The following ARHGAP24 variants were observed in gnomAD, a reference collection of about 807,000 sequenced individuals.
ARHGAP24 encodes the protein Rho GTPase activating protein 24.
ARHGAP24 carries 50 observed loss-of-function variants against 76.4 expected under a neutral mutation model. That is an observed-to-expected ratio of 0.65 (90% confidence interval 0.52 to 0.83). The LOEUF is 0.83. ARHGAP24 is among the 40% of genes least tolerant of loss of function. The pLI is 0.00. For missense variants in ARHGAP24, 930 were observed against 914.2 expected (o/e 1.02, Z -0.22); for synonymous variants, 345 against 323.3 (o/e 1.07, Z -0.72).
intron 5 of ARHGAP24, among the ~76,000 whole-genome samples, chr4:85,944,105 G>A (rs7684540): frequency 0.74 from 112,337 of 152,048 alleles, 42,711 homozygotes; most frequent in East Asian, 0.99. Context: ...ATTTTTCTAC[G>A]TCCTCTCCAG....
intron 3 of ARHGAP24, among the ~76,000 whole-genome samples, chr4:85,766,170 A>G (rs150531987): frequency 2.8e-4 from 42 of 152,192 alleles, no homozygotes; most frequent in African/African-American, 1.0e-3. Context: ...AATCCTGAAT[A>G]TTGTGATTGA....
At chr4:85,582,145 A>G (rs1727639766) in intron 2 of ARHGAP24, among the ~76,000 whole-genome samples, 1 of 152,158 alleles carries the variant, frequency 6.6e-6, no homozygotes, top group African/African-American at 2.4e-5. Flanking sequence ...TTTGGAAATG[A>G]GACACTCGAT....
In ARHGAP24 at chr4:85,651,495, C is replaced by T. The variant is rs1261046692; in HGVS notation, c.181-70390C>T. 1.3e-5 allele frequency among the ~76,000 whole-genome samples: 2 copies of T among 148,780 alleles called. 1 individual carries two copies. The highest frequency in any genetic ancestry group is 5.2e-5 in the African/African-American group (2 of 38,416). On this transcript the variant is annotated intron_variant, in intron 2 of 9. Coordinates refer to ENST00000395184, the MANE Select transcript of ARHGAP24 (RefSeq NM_001025616.3). Reference sequence around the variant, plus strand: ...TTCCCAAGTTTTTCCTTTGCTGTACCTCCTAAGTGGAAAATTCATTCCATT... The same window carrying T: ...TTCCCAAGTTTTTCCTTTGCTGTACTTCCTAAGTGGAAAATTCATTCCATT...
At chr4:85,933,642 G>C (rs1219356402) in intron 4 of ARHGAP24, among the ~76,000 whole-genome samples, 1 of 152,142 alleles carries the variant, frequency 6.6e-6, no homozygotes, top group African/African-American at 2.4e-5. Flanking sequence ...AAGATTATAA[G>C]TGAATTTTTT....
At chr4:85,565,247 G>A (rs1355982373) in intron 1 of ARHGAP24, among the ~76,000 whole-genome samples, 1 of 152,122 alleles carries the variant, frequency 6.6e-6, no homozygotes, top group East Asian at 1.9e-4. Context: ...GCTCTCTGCA[G>A]TTATATACTG....
intron 1 of ARHGAP24, among the ~76,000 whole-genome samples, chr4:85,508,653 C>T (rs767652234): frequency 3.9e-5 from 6 of 152,150 alleles, no homozygotes; most frequent in Admixed American, 6.5e-5. Flanking sequence ...AGACCCTTAC[C>T]ATTTGATGCC....
At chr4:85,632,376 C>T (rs7697937) in intron 2 of ARHGAP24, among the ~76,000 whole-genome samples, 40,282 of 151,916 alleles carry the variant, frequency 0.27, 7,464 homozygotes, top group East Asian at 0.84. Context: ...GAACTGGGAA[C>T]ATGTGTTGTC....
chr4:85,613,299 ATTAAT>A (rs1009369806), intron 2 of ARHGAP24, among the ~76,000 whole-genome samples: 101 of 152,246 alleles, frequency 6.6e-4, no homozygotes, highest in African/African-American at 2.3e-3. Context: ...ATCCATGTTG[ATTAAT>A]TTAGGACGTA....
At chr4:85,805,021 GC>G (rs1728730654) in intron 3 of ARHGAP24, among the ~76,000 whole-genome samples, 1 of 152,096 alleles carries the variant, frequency 6.6e-6, no homozygotes. Flanking sequence ...GCAGATACAT[GC>G]GGACAAAACA....
At chr4:85,772,063 A>G (rs1727151966) in intron 3 of ARHGAP24, among the ~76,000 whole-genome samples, 1 of 152,232 alleles carries the variant, frequency 6.6e-6, no homozygotes, top group African/African-American at 2.4e-5. Context: ...AATTAATAAA[A>G]TATTACAAAT....
chr4:85,853,832 T>C (rs1043828836), intron 3 of ARHGAP24, among the ~76,000 whole-genome samples: 5 of 152,072 alleles, frequency 3.3e-5, no homozygotes, highest in African/African-American at 1.2e-4. Flanking sequence ...CACACACCTG[T>C]AGTGCCAGCT....
intron 4 of ARHGAP24, among the ~76,000 whole-genome samples, chr4:85,931,498 G>A (rs1736330409): frequency 6.6e-6 from 1 of 152,140 alleles, no homozygotes; most frequent in Non-Finnish European, 1.5e-5. Context: ...AGAAAAATTT[G>A]ATAATCGAAT....
At chr4:85,633,486 A>G (rs1721224388) in intron 2 of ARHGAP24, among the ~76,000 whole-genome samples, 1 of 151,834 alleles carries the variant, frequency 6.6e-6, no homozygotes, top group Non-Finnish European at 1.5e-5. Flanking sequence ...GGCATCTGCA[A>G]GGTCCTAAAA....
chr4:85,477,325 A>G (rs1043793108), intron 1 of ARHGAP24, among the ~76,000 whole-genome samples: 8 of 152,200 alleles, frequency 5.3e-5, no homozygotes, highest in African/African-American at 1.9e-4. Flanking sequence ...TTTCTCTGTA[A>G]TATTCTTCTG....
At chr4:85,830,226 C>T (rs917873071) in intron 3 of ARHGAP24, among the ~76,000 whole-genome samples, 6 of 152,162 alleles carry the variant, frequency 3.9e-5, no homozygotes, top group Non-Finnish European at 7.3e-5. Context: ...CTTTCTACAC[C>T]TTGGACAAGG....
chr4:85,817,667 T>G (rs1349514203), intron 3 of ARHGAP24, among the ~76,000 whole-genome samples: 2 of 152,222 alleles, frequency 1.3e-5, no homozygotes, highest in African/African-American at 4.8e-5. Context: ...TTATGAAAAC[T>G]AAGTGTAAAA....
At chr4:85,501,218 A>G (rs1051622299) in intron 1 of ARHGAP24, among the ~76,000 whole-genome samples, 1 of 152,220 alleles carries the variant, frequency 6.6e-6, no homozygotes, top group Non-Finnish European at 1.5e-5. Flanking sequence ...AGCATGATTT[A>G]TAATCCTTTG....
At chr4:85,570,843 A>G in intron 2 of ARHGAP24, 122 bp downstream of exon 2, 1 of 1,143,234 alleles carries the variant, frequency 8.7e-7, no homozygotes, top group Admixed American at 2.1e-5. Flanking sequence ...GTTCATTGTC[A>G]TCTTTCACCC....
intron 1 of ARHGAP24, among the ~76,000 whole-genome samples, chr4:85,522,604 A>G (rs1724825967): frequency 6.6e-6 from 1 of 152,192 alleles, no homozygotes; most frequent in Non-Finnish European, 1.5e-5. Context: ...AATTATCCAT[A>G]AATATCCCAA....
Sources: gnomAD v4.1 joint callset for allele counts (sites outside exome capture counted in the v4.1 genomes callset) on GRCh38, gnomAD v4.1.1 for gene constraint, MANE v1.5 for transcripts, NCBI Gene and HGNC (gene_info 2026-07-23, HGNC 2026-07-21) for gene names.